The following NMNAT2 variants were observed in gnomAD, a reference collection of about 807,000 sequenced individuals.
NMNAT2 encodes the protein nicotinamide/nicotinic acid mononucleotide adenylyltransferase 2.
Under a neutral mutation model 41.6 loss-of-function variants are expected in NMNAT2, and 11 were observed. The observed-to-expected ratio is 0.26, with a 90% CI of 0.17 to 0.44. The LOEUF is 0.44. Ranked by LOEUF, NMNAT2 falls within the 20% of genes least tolerant of loss-of-function variation. The pLI, the probability that NMNAT2 is intolerant of heterozygous loss-of-function variation, is 1.00. For missense variants in NMNAT2, 288 were observed against 407.7 expected (o/e 0.71, Z 2.53); for synonymous variants, 148 against 151.2 (o/e 0.98, Z 0.16).
chr1:183,293,471 G>A (rs1661596988), intron 2 of NMNAT2, among the ~76,000 whole-genome samples: 1 of 152,240 alleles, frequency 6.6e-6, no homozygotes, highest in African/African-American at 2.4e-5. Flanking sequence ...CAGCCCGTAA[G>A]TGGCTCTACG....
intron 1 of NMNAT2, among the ~76,000 whole-genome samples, chr1:183,332,321 G>A (rs998501910): frequency 6.6e-6 from 1 of 152,218 alleles, no homozygotes; most frequent in Admixed American, 6.5e-5. Flanking sequence ...ACCAATGTGA[G>A]ATTTTTTAAT....
At chr1:183,265,035 C>T (rs1660772232) in intron 8 of NMNAT2, among the ~76,000 whole-genome samples, 1 of 152,120 alleles carries the variant, frequency 6.6e-6, no homozygotes, top group African/African-American at 2.4e-5. Context: ...ACACTAAAGG[C>T]TTCCAAATTA....
At chr1:183,341,018 A>G (rs1249699082) in intron 1 of NMNAT2, among the ~76,000 whole-genome samples, 7 of 152,230 alleles carry the variant, frequency 4.6e-5, no homozygotes, top group Admixed American at 4.6e-4. Flanking sequence ...GGTTTACTGA[A>G]GAGGAAACTG....
intron 8 of NMNAT2, chr1:183,266,788 G>T: frequency 4.8e-6 from 1 of 206,390 alleles, no homozygotes; most frequent in South Asian, 6.4e-5. Context: ...AAAACTGCCT[G>T]ACTCACTTCC....
chr1:183,352,441 C>A (rs1435096642), intron 1 of NMNAT2, among the ~76,000 whole-genome samples: 1 of 151,420 alleles, frequency 6.6e-6, no homozygotes, highest in African/African-American at 2.4e-5. Context: ...CATGCGCCTG[C>A]AATCCCAACT....
intron 1 of NMNAT2, among the ~76,000 whole-genome samples, chr1:183,296,416 T>A (rs1421297564): frequency 6.6e-6 from 1 of 152,228 alleles, no homozygotes; most frequent in East Asian, 1.9e-4. Flanking sequence ...CATTTTATAT[T>A]CCTACCAGGA....
At chr1:183,338,874 C>A (rs751127804) in intron 1 of NMNAT2, among the ~76,000 whole-genome samples, 4 of 152,082 alleles carry the variant, frequency 2.6e-5, no homozygotes, top group Non-Finnish European at 4.4e-5. Flanking sequence ...GGTAATGTGG[C>A]CAGGCAACTT....
At chr1:183,364,972 C>A (rs548119127) in intron 1 of NMNAT2, among the ~76,000 whole-genome samples, 83 of 152,206 alleles carry the variant, frequency 5.5e-4, no homozygotes, top group Middle Eastern at 6.8e-3. Flanking sequence ...CAGAATCAGA[C>A]GAGGGTTCCC....
chr1:183,266,790 C>A (rs541634555), intron 8 of NMNAT2: 310 of 205,616 alleles, frequency 1.5e-3, no homozygotes, highest in Non-Finnish European at 2.7e-3. Context: ...AACTGCCTGA[C>A]TCACTTCCAT....
At chr1:183,333,846 A>G (rs1179201116) in intron 1 of NMNAT2, among the ~76,000 whole-genome samples, 4 of 152,018 alleles carry the variant, frequency 2.6e-5, no homozygotes, top group East Asian at 3.9e-4. Flanking sequence ...CCCCCTCCTG[A>G]CTTATAAATG....
Position 183,284,704 on chromosome 1 carries a change from C to T in NMNAT2, c.529+6G>A, listed in dbSNP as rs1661355626. 6.2e-7 allele frequency: 1 copy of T among 1,610,960 alleles called. No individual in the cohort carries two copies. Among genetic ancestry groups the T allele is most frequent in the Admixed American group, 1.7e-5 (1 of 60,018 alleles). On this transcript the variant is annotated splice_donor_region_variant and intron_variant, in intron 6 of 10. Coordinates refer to ENST00000287713, the MANE Select transcript of NMNAT2 (RefSeq NM_015039.4). ...GGACTGGGAATCAAGTTCCTTGGTT[C>T]CTCACCTACAAAGGTGAAACGCTCC...
chr1:183,372,311 G>A (rs142506560), intron 1 of NMNAT2, among the ~76,000 whole-genome samples: 4 of 152,240 alleles, frequency 2.6e-5, no homozygotes, highest in South Asian at 2.1e-4. Context: ...AAAAGAAACC[G>A]AGAAGGTGGA....
At chr1:183,279,490 A>G (rs1452348232) in intron 7 of NMNAT2, among the ~76,000 whole-genome samples, 1 of 152,182 alleles carries the variant, frequency 6.6e-6, no homozygotes, top group East Asian at 1.9e-4. Context: ...TGAAACAGTG[A>G]GGCAGGTCTG....
Position 183,251,840 on chromosome 1 carries a change from A to G in NMNAT2, c.*801T>C, listed in dbSNP as rs115901460. 4.6e-3 allele frequency: 713 copies of G among 156,478 alleles called. 9 individuals are homozygous for G. Among genetic ancestry groups the G allele is most frequent in the African/African-American group, 0.017 (665 of 38,682 alleles). 9.7% of individuals were successfully genotyped at this position (156,478 alleles called of 1,614,324 possible). A position where few individuals can be genotyped will look rare whatever the true frequency, so the allele number is the denominator to read the frequency against. ...CCAGGTTTCAGAACCCGAAAATCTCACTCCTGATCAAAGGTTGCTGCTGCT... is the reference window on the plus strand; with the variant it reads ...CCAGGTTTCAGAACCCGAAAATCTCGCTCCTGATCAAAGGTTGCTGCTGCT... On this transcript the variant is annotated 3_prime_UTR_variant, in exon 11 of 11. Transcript: ENST00000287713.
chr1:183,375,137 C>G (rs1663647331), intron 1 of NMNAT2, among the ~76,000 whole-genome samples: 1 of 152,166 alleles, frequency 6.6e-6, no homozygotes, highest in Non-Finnish European at 1.5e-5. Context: ...TCGGCTTTGT[C>G]TCTCCTTTGT....
rs141352984 is a variant in NMNAT2, at chr1:183,373,515, C to T, written c.85+44668G>A. Among the ~76,000 whole-genome samples, 193 of 152,266 alleles carry T rather than the reference C, an allele frequency of 1.3e-3. 1 individual carries two copies. Among genetic ancestry groups the T allele is most frequent in the African/African-American group, 4.6e-3 (190 of 41,526 alleles). On this transcript the variant is annotated intron_variant, in intron 1 of 10. Transcript: ENST00000287713. ...ACTGGGGGAAAAGCCTCAGAATATCCGTGAAATTCCATGGAGTCACCAAGG... is the reference window on the plus strand; with the variant it reads ...ACTGGGGGAAAAGCCTCAGAATATCTGTGAAATTCCATGGAGTCACCAAGG...
At chr1:183,301,096 T>C (rs184590201) in intron 1 of NMNAT2, among the ~76,000 whole-genome samples, 66 of 152,348 alleles carry the variant, frequency 4.3e-4, no homozygotes, top group Admixed American at 1.2e-3. Flanking sequence ...TGCAGTGATT[T>C]TGATATTTTA....
intron 8 of NMNAT2, among the ~76,000 whole-genome samples, chr1:183,275,114 G>T (rs1438112494): frequency 6.6e-6 from 1 of 152,168 alleles, no homozygotes; most frequent in Non-Finnish European, 1.5e-5. Flanking sequence ...GATGTCTGTG[G>T]TGACCATGGT....
chr1:183,264,960 G>A (rs908971987), intron 8 of NMNAT2, among the ~76,000 whole-genome samples: 16 of 152,188 alleles, frequency 1.1e-4, no homozygotes, highest in Middle Eastern at 3.4e-3. Flanking sequence ...GTCCCTGGAC[G>A]TTTTTTCTTT....
Sources: allele counts gnomAD v4.1 joint callset (sites outside exome capture counted in the v4.1 genomes callset), GRCh38; gene constraint gnomAD v4.1.1; transcripts MANE v1.5; gene names NCBI Gene and HGNC (gene_info 2026-07-23, HGNC 2026-07-21).